PIK3C2G: variants seen among roughly 807,000 people sequenced by gnomAD.
PIK3C2G encodes the protein phosphatidylinositol-4-phosphate 3-kinase catalytic subunit type 2 gamma.
A neutral mutation model predicts 181.1 loss-of-function variants in PIK3C2G; 168 were observed. The ratio of observed to expected loss-of-function variants is 0.93; its 90% CI spans 0.82 to 1.05. The LOEUF is 1.05. Ranked by LOEUF, PIK3C2G falls within the 50% of genes least tolerant of loss-of-function variation. The probability of loss-of-function intolerance (pLI) is 0.00; values close to 1 mark genes in which losing one functional copy is unlikely to be tolerated. For synonymous variants in PIK3C2G, 573 were observed against 592.2 expected, an observed-to-expected ratio of 0.97 and a Z score of 0.47; for missense variants, 1,869 against 1,732.8, an observed-to-expected ratio of 1.08 and a Z score of -1.40.
chr12:18,478,411 G>A (rs1939217904), intron 18 of PIK3C2G, among the ~76,000 whole-genome samples: 1 of 152,056 alleles, frequency 6.6e-6, no homozygotes, highest in South Asian at 2.1e-4. Flanking sequence ...AGATTCTTAG[G>A]TTCGCAAATG....
At chr12:18,658,034 A>G in the PIK3C2G span, among the ~76,000 whole-genome samples, 1 of 152,170 alleles carries the variant, frequency 6.6e-6, no homozygotes, top group Non-Finnish European at 1.5e-5. Context: ...TCTGGATTAA[A>G]AAATTATAAC....
intron 6 of PIK3C2G, among the ~76,000 whole-genome samples, chr12:18,317,106 C>T (rs994052543): frequency 1.7e-4 from 26 of 151,104 alleles, no homozygotes; most frequent in African/African-American, 5.1e-4. Flanking sequence ...CTCCGCCTCC[C>T]GGGTTCAAGT....
chr12:18,309,792 T>C (rs1360949829), intron 5 of PIK3C2G, among the ~76,000 whole-genome samples: 4 of 151,878 alleles, frequency 2.6e-5, no homozygotes, highest in Admixed American at 2.0e-4. Flanking sequence ...GAAGTGTCTC[T>C]TGTAGCTCCA....
At chr12:18,594,166 T>C (rs990432378) in intron 29 of PIK3C2G, among the ~76,000 whole-genome samples, 2 of 151,862 alleles carry the variant, frequency 1.3e-5, no homozygotes, top group Non-Finnish European at 1.5e-5. Context: ...ATACACCTTG[T>C]TTTCGAAAAT....
Position 18,325,030 on chromosome 12 carries a change from TC to T in PIK3C2G, c.1209-3del. On this transcript the variant is annotated splice_polypyrimidine_tract_variant and splice_region_variant and intron_variant, in intron 7 of 32. Coordinates refer to ENST00000538779, the MANE Select transcript of PIK3C2G (RefSeq NM_001288772.2). ...TAAACAAAGTTTCTATTTTTTATTT[TC>T]CAGACAATGTCTCTTAACACTCATC... The T allele has an allele frequency of 6.7e-7, 1 of 1,483,502 alleles. No homozygotes were observed. 91.9% of individuals were successfully genotyped at this position (1,483,502 alleles called of 1,614,324 possible). A position where few individuals can be genotyped will look rare whatever the true frequency, so the allele number is the denominator to read the frequency against.
chr12:18,321,817 T>C (rs1259233601), intron 7 of PIK3C2G, among the ~76,000 whole-genome samples: 1 of 152,126 alleles, frequency 6.6e-6, no homozygotes, highest in Non-Finnish European at 1.5e-5. Context: ...GAAGCCATTA[T>C]CCTCAACAAA....
At chr12:18,643,449 G>A (rs1949939236) in intron 32 of PIK3C2G, among the ~76,000 whole-genome samples, 1 of 151,958 alleles carries the variant, frequency 6.6e-6, no homozygotes, top group South Asian at 2.1e-4. Flanking sequence ...GTAGTCATTA[G>A]GACAGTAAGA....
At chr12:18,504,546 A>G (rs1173016596) in intron 23 of PIK3C2G, among the ~76,000 whole-genome samples, 1 of 152,182 alleles carries the variant, frequency 6.6e-6, no homozygotes, top group Non-Finnish European at 1.5e-5. Context: ...TCACTACATC[A>G]AGGCAGCCCC....
At chr12:18,477,134 C>T (rs1167281030) in intron 18 of PIK3C2G, among the ~76,000 whole-genome samples, 4 of 152,058 alleles carry the variant, frequency 2.6e-5, no homozygotes, top group Admixed American at 6.6e-5. Flanking sequence ...CTCATAAGGA[C>T]GCCAGCCCTA....
At chr12:18,572,464 G>A (rs1946005005) in intron 29 of PIK3C2G, among the ~76,000 whole-genome samples, 1 of 150,176 alleles carries the variant, frequency 6.7e-6, no homozygotes, top group South Asian at 2.1e-4. Context: ...TATATCTGCT[G>A]ATATATATAA....
At chr12:18,278,388 C>A (rs1254563841) in intron 1 of PIK3C2G, among the ~76,000 whole-genome samples, 1 of 152,150 alleles carries the variant, frequency 6.6e-6, no homozygotes, top group Non-Finnish European at 1.5e-5. Flanking sequence ...ATCTCTTCTG[C>A]CTCCTTCTCC....
At chr12:18,394,341 A>G (rs1162430841) in intron 15 of PIK3C2G, among the ~76,000 whole-genome samples, 2 of 152,108 alleles carry the variant, frequency 1.3e-5, no homozygotes, top group Non-Finnish European at 2.9e-5. Flanking sequence ...CAGAATGCTG[A>G]CTCTCAATAA....
chr12:18,345,602 T>C (rs1243000235), intron 10 of PIK3C2G, among the ~76,000 whole-genome samples: 1 of 152,190 alleles, frequency 6.6e-6, no homozygotes, highest in Non-Finnish European at 1.5e-5. Flanking sequence ...TGGAACACTG[T>C]AGATTATCAA....
chr12:18,393,768 A>C (rs1818583436), intron 15 of PIK3C2G, among the ~76,000 whole-genome samples: 1 of 152,136 alleles, frequency 6.6e-6, no homozygotes, highest in African/African-American at 2.4e-5. Flanking sequence ...TTGGGATTAA[A>C]GTGGCTTTCA....
At chr12:18,562,418 C>A (rs1945398842) in intron 26 of PIK3C2G, among the ~76,000 whole-genome samples, 1 of 152,194 alleles carries the variant, frequency 6.6e-6, no homozygotes, top group Admixed American at 6.5e-5. Flanking sequence ...AGGCGTGAGC[C>A]ACCGCGCCGG....
intron 11 of PIK3C2G, among the ~76,000 whole-genome samples, chr12:18,360,969 C>G (rs1042632678): frequency 6.6e-6 from 1 of 151,806 alleles, no homozygotes; most frequent in Non-Finnish European, 1.5e-5. Context: ...CTCTTTTTTT[C>G]TTTTTCTTTT....
chr12:18,598,265 T>C (rs1449093466), intron 30 of PIK3C2G, among the ~76,000 whole-genome samples: 1 of 151,718 alleles, frequency 6.6e-6, no homozygotes, highest in Non-Finnish European at 1.5e-5. Context: ...AAGGCTACAG[T>C]AACCAAAACA....
At chr12:18,334,378 A>T (rs908191726) in intron 8 of PIK3C2G, among the ~76,000 whole-genome samples, 8 of 152,148 alleles carry the variant, frequency 5.3e-5, no homozygotes, top group Non-Finnish European at 7.4e-5. Context: ...TACTTACAAT[A>T]AATCTAATCC....
chr12:18,624,289 T>G (rs1592741533), intron 31 of PIK3C2G, among the ~76,000 whole-genome samples: 1 of 151,642 alleles, frequency 6.6e-6, no homozygotes, highest in Non-Finnish European at 1.5e-5. Flanking sequence ...GTGAGATGAT[T>G]ACATGATTTT....
Sources: allele counts gnomAD v4.1 joint callset (sites outside exome capture counted in the v4.1 genomes callset), GRCh38; gene constraint gnomAD v4.1.1; transcripts MANE v1.5; gene names NCBI Gene and HGNC (gene_info 2026-07-23, HGNC 2026-07-21).